LRRC8C: variants seen among roughly 807,000 people sequenced by gnomAD.
LRRC8C encodes the protein volume-regulated anion channel subunit LRRC8C.
Under a neutral mutation model 55.3 loss-of-function variants are expected in LRRC8C, and 20 were observed. The ratio of observed to expected loss-of-function variants is 0.36; its 90% confidence interval spans 0.25 to 0.53. LRRC8C has a LOEUF of 0.53. Among genes scored for constraint, LRRC8C ranks in the 20% least tolerant of loss-of-function variants. The pLI is 0.92. For missense variants in LRRC8C, 659 were observed against 951.4 expected (o/e 0.69, Z 4.04); for synonymous variants, 376 against 360.7 (o/e 1.04, Z -0.48).
At chr1:89,709,382 A>G (rs1277897781) in intron 2 of LRRC8C, among the ~76,000 whole-genome samples, 2 of 152,192 alleles carry the variant, frequency 1.3e-5, no homozygotes, top group Non-Finnish European at 2.9e-5. Context: ...CTAATTAGAC[A>G]TTTTTGTGCA....
intron 1 of LRRC8C, among the ~76,000 whole-genome samples, chr1:89,661,849 C>T (rs1384289535): frequency 6.6e-6 from 1 of 151,412 alleles, no homozygotes; most frequent in Non-Finnish European, 1.5e-5. Flanking sequence ...GCAGTATTAT[C>T]TAAACAAGAG....
chr1:89,700,379 T>C lies in LRRC8C; in HGVS notation c.139-12330T>C, dbSNP rs535200871. ...GGCTGTTTATGTCCCTCTAGCAAGA[T>C]TGCAAGTGCTTTTAGAACAGCAAAT... On this transcript the variant is annotated intron_variant, in intron 2 of 2. Coordinates refer to ENST00000370454, the MANE Select transcript of LRRC8C (RefSeq NM_032270.5). Among the ~76,000 whole-genome samples, 14 of 152,350 alleles carry C rather than the reference T, an allele frequency of 9.2e-5. No homozygotes were observed. The South Asian group carries it at 2.7e-3, about 29-fold the overall frequency.
Position 89,686,626 on chromosome 1 carries a change from C to G in LRRC8C, c.138+15C>G, listed in dbSNP as rs781370531. Reference sequence around the variant, plus strand: ...GTACTTTACAGGTAGGTGCCTAGATCCCTGGCAAAATGGGGGCCAGAGCAA... The same window carrying G: ...GTACTTTACAGGTAGGTGCCTAGATGCCTGGCAAAATGGGGGCCAGAGCAA... On this transcript the variant is annotated intron_variant, in intron 2 of 2. Coordinates refer to ENST00000370454, the MANE Select transcript of LRRC8C (RefSeq NM_032270.5). 4 of 1,613,456 alleles carry G rather than the reference C, an allele frequency of 2.5e-6. No individual in the cohort carries two copies. In the East Asian group the frequency reaches 8.9e-5, roughly 36 times the overall value.
chr1:89,696,911 T>C (rs1457549418), intron 2 of LRRC8C, among the ~76,000 whole-genome samples: 1 of 152,174 alleles, frequency 6.6e-6, no homozygotes, highest in African/African-American at 2.4e-5. Context: ...CCTCTATAGG[T>C]AAAAGACCTG....
the LRRC8C span, among the ~76,000 whole-genome samples, chr1:89,621,793 T>C: frequency 6.6e-6 from 1 of 152,232 alleles, no homozygotes; most frequent in Non-Finnish European, 1.5e-5. Flanking sequence ...GTATTTGTTT[T>C]AGGTTACTAA....
chr1:89,639,544 C>A (rs1305812383), intron 1 of LRRC8C, among the ~76,000 whole-genome samples: 1 of 152,164 alleles, frequency 6.6e-6, no homozygotes, highest in African/African-American at 2.4e-5. Flanking sequence ...CATCCCTCAT[C>A]TCCTCCAGCT....
chr1:89,643,633 T>C (rs1208406785), intron 1 of LRRC8C, among the ~76,000 whole-genome samples: 1 of 152,240 alleles, frequency 6.6e-6, no homozygotes, highest in Non-Finnish European at 1.5e-5. Context: ...TGAGTTGTGT[T>C]TTTGTAAGTT....
At chr1:89,663,101 C>A (rs1489009030) in intron 1 of LRRC8C, among the ~76,000 whole-genome samples, 1 of 152,134 alleles carries the variant, frequency 6.6e-6, no homozygotes, top group Non-Finnish European at 1.5e-5. Context: ...TGTTAGTTTG[C>A]TGAGAATTAT....
intron 2 of LRRC8C, among the ~76,000 whole-genome samples, chr1:89,693,761 A>G (rs1381903703): frequency 6.9e-6 from 1 of 144,240 alleles, no homozygotes; most frequent in East Asian, 2.0e-4. Flanking sequence ...AGTTCAAGCA[A>G]TTCTCATACC....
At chr1:89,627,795 C>A in the LRRC8C span, among the ~76,000 whole-genome samples, 1 of 152,104 alleles carries the variant, frequency 6.6e-6, no homozygotes, top group Non-Finnish European at 1.5e-5. Context: ...ATAATACTGC[C>A]TGTGTAATGG....
intron 1 of LRRC8C, chr1:89,668,032 A>G (rs1337048126): frequency 6.6e-6 from 1 of 152,648 alleles, no homozygotes; most frequent in Admixed American, 6.6e-5. Context: ...CATCAGGGAA[A>G]GGAAATGATA....
chr1:89,630,291 C>G (rs1220282333), upstream of LRRC8C, among the ~76,000 whole-genome samples: 1 of 152,204 alleles, frequency 6.6e-6, no homozygotes, highest in African/African-American at 2.4e-5. Flanking sequence ...AGTCTCACCA[C>G]AACCCTAAAA....
the LRRC8C span, among the ~76,000 whole-genome samples, chr1:89,623,031 T>A: frequency 6.6e-6 from 1 of 152,118 alleles, no homozygotes; most frequent in South Asian, 2.1e-4. Flanking sequence ...GTCTCCTAAA[T>A]GAGACCATAA....
At chr1:89,651,567 CAAA>C (rs1179039674) in intron 1 of LRRC8C, among the ~76,000 whole-genome samples, 4 of 40,728 alleles carry the variant, frequency 9.8e-5, no homozygotes, top group East Asian at 1.4e-3. Context: ...GACTCTGTCT[CAAA>C]AAAAAAAAAA....
intron 1 of LRRC8C, among the ~76,000 whole-genome samples, chr1:89,662,336 G>T (rs1657143697): frequency 6.6e-6 from 1 of 152,184 alleles, no homozygotes; most frequent in African/African-American, 2.4e-5. Flanking sequence ...TATGAGACTG[G>T]TGTGGGGTGG....
At chr1:89,651,311 G>A (rs1212642959) in intron 1 of LRRC8C, among the ~76,000 whole-genome samples, 3 of 152,138 alleles carry the variant, frequency 2.0e-5, no homozygotes, top group Non-Finnish European at 4.4e-5. Context: ...GCTCACGCCT[G>A]TAATCCCAAC....
the LRRC8C span, among the ~76,000 whole-genome samples, chr1:89,623,185 C>T: frequency 8.2e-5 from 12 of 147,108 alleles, no homozygotes; most frequent in African/African-American, 2.7e-4. Context: ...CACACACATG[C>T]GCACACACAC....
chr1:89,660,935 G>A (rs571325149), intron 1 of LRRC8C, among the ~76,000 whole-genome samples: 6 of 152,226 alleles, frequency 3.9e-5, no homozygotes, highest in Non-Finnish European at 8.8e-5. Flanking sequence ...GAAACATTTT[G>A]TATTTGGCAC....
At chr1:89,630,263 G>T (rs1002653310), upstream of LRRC8C, among the ~76,000 whole-genome samples, 3 of 152,180 alleles carry the variant, frequency 2.0e-5, no homozygotes, top group Non-Finnish European at 2.9e-5. Context: ...ACCCACTAGA[G>T]GGGTTACAGA....
Sources: allele counts gnomAD v4.1 joint callset (sites outside exome capture counted in the v4.1 genomes callset), GRCh38; gene constraint gnomAD v4.1.1; transcripts MANE v1.5; gene names NCBI Gene and HGNC (gene_info 2026-07-23, HGNC 2026-07-21).